ITPR1: variants seen among roughly 807,000 people sequenced by gnomAD.
The protein encoded by ITPR1 is inositol 1,4,5-trisphosphate-gated calcium channel ITPR1.
ITPR1 carries 96 observed loss-of-function variants against 318.4 expected under a neutral mutation model. The observed-to-expected ratio is 0.30, with a 90% CI of 0.26 to 0.36. The LOEUF (loss-of-function observed/expected upper bound fraction) is 0.36, where lower values mean the gene tolerates loss of function less well. Ranked by LOEUF, ITPR1 falls within the 10% of genes least tolerant of loss-of-function variation. ITPR1 has a pLI of 1.00. For missense variants in ITPR1, 2,440 were observed against 3,460.2 expected, an observed-to-expected ratio of 0.71 and a Z score of 7.40; for synonymous variants, 1,312 against 1,289.9, an observed-to-expected ratio of 1.02 and a Z score of -0.37.
intron 44 of ITPR1, among the ~76,000 whole-genome samples, chr3:4,753,789 C>A (rs537930672): frequency 6.6e-6 from 1 of 152,120 alleles, no homozygotes; most frequent in Non-Finnish European, 1.5e-5. Flanking sequence ...GCGAAGGGAA[C>A]GTGGCTGGTG....
chr3:4,668,249 C>A (rs560045275), intron 18 of ITPR1, among the ~76,000 whole-genome samples: 1 of 149,912 alleles, frequency 6.7e-6, no homozygotes, highest in African/African-American at 2.5e-5. Flanking sequence ...GTTAACATCC[C>A]CACCTCCCCC....
intron 4 of ITPR1, among the ~76,000 whole-genome samples, chr3:4,614,638 G>C (rs2092313142): frequency 6.6e-6 from 1 of 152,178 alleles, no homozygotes; most frequent in Non-Finnish European, 1.5e-5. Flanking sequence ...GAACACTTTA[G>C]TGCTTCCAGG....
chr3:4,610,481 A>T (rs1320592000), intron 4 of ITPR1, among the ~76,000 whole-genome samples: 1 of 152,218 alleles, frequency 6.6e-6, no homozygotes, highest in Non-Finnish European at 1.5e-5. Flanking sequence ...CCAATAGCTT[A>T]TGTAATTCCT....
At chr3:4,745,925 T>C (rs1172554155) in intron 44 of ITPR1, among the ~76,000 whole-genome samples, 2 of 152,220 alleles carry the variant, frequency 1.3e-5, no homozygotes, top group Non-Finnish European at 2.9e-5. Context: ...CTTCTTTTTC[T>C]CTTGCTTTTC....
At chr3:4,550,285 C>A (rs1349727335) in intron 4 of ITPR1, among the ~76,000 whole-genome samples, 1 of 152,170 alleles carries the variant, frequency 6.6e-6, no homozygotes, top group Non-Finnish European at 1.5e-5. Flanking sequence ...TTCCCCATCT[C>A]ACAGCAGAAA....
At chr3:4,814,294 G>A (rs2049138253) in intron 57 of ITPR1, 129 bp from the exon 58 acceptor site, 1 of 1,021,856 alleles carries the variant, frequency 9.8e-7, no homozygotes. Flanking sequence ...GAAAATTCTT[G>A]GCTCTTGATT....
At chr3:4,610,957 TCCCCTTCCCCCTTCCCC>T (rs2092050772) in intron 4 of ITPR1, among the ~76,000 whole-genome samples, 1 of 55,612 alleles carries the variant, frequency 1.8e-5, no homozygotes, top group African/African-American at 7.5e-5. Flanking sequence ...CCCTTCCCCT[TCCCCTTCCCCCTTCCCC>T]CTCCTTCTCC....
At chr3:4,773,175 A>G (rs775285920) in intron 46 of ITPR1, among the ~76,000 whole-genome samples, 2 of 152,188 alleles carry the variant, frequency 1.3e-5, no homozygotes, top group Non-Finnish European at 2.9e-5. Flanking sequence ...AGTAGGGCTC[A>G]GGGGTCGGAG....
chr3:4,606,111 G>A (rs2091685319), intron 4 of ITPR1, among the ~76,000 whole-genome samples: 1 of 152,066 alleles, frequency 6.6e-6, no homozygotes, highest in Non-Finnish European at 1.5e-5. Flanking sequence ...AAACAACAGT[G>A]GAAGACAAAT....
chr3:4,604,972 AT>A (rs930231676), intron 4 of ITPR1, among the ~76,000 whole-genome samples: 13 of 149,978 alleles, frequency 8.7e-5, no homozygotes, highest in South Asian at 4.2e-4. Flanking sequence ...GTAGCATGCT[AT>A]TTTTTTTTGG....
intron 17 of ITPR1, among the ~76,000 whole-genome samples, chr3:4,666,959 G>T (rs144127623): frequency 6.6e-6 from 1 of 152,160 alleles, no homozygotes; most frequent in Non-Finnish European, 1.5e-5. Flanking sequence ...GGGTAACATT[G>T]TTCCAGATCT....
chr3:4,828,419 G>A (rs1437002383), intron 60 of ITPR1, among the ~76,000 whole-genome samples: 1 of 152,200 alleles, frequency 6.6e-6, no homozygotes, highest in East Asian at 1.9e-4. Flanking sequence ...GGAGAAGGGT[G>A]AGTGAGCCTG....
Position 4,768,504 on chromosome 3 carries a change from T to C in ITPR1, c.5726-7T>C. The C allele has an allele frequency of 6.3e-7, 1 of 1,599,738 alleles. No homozygotes were observed. On this transcript the variant is annotated splice_polypyrimidine_tract_variant and splice_region_variant and intron_variant, in intron 45 of 61. Coordinates refer to ENST00000649015, the MANE Select transcript of ITPR1 (RefSeq NM_001378452.1). ...GCAGCCTTTCATGCCTTATGCTTGC[T>C]TTCTAGCTAAAGAGCCCACAACACA...
At position 4,590,174 on chromosome 3, in the gene ITPR1, CTTTTTTTTTT is replaced by C. The variant is rs10713337; in HGVS notation, c.164-37577_164-37568del. ...CCCTTTGTGTCTCCTCTTCGTCTTG[CTTTTTTTTTT>C]TTTTTTTTTTTGTCTTCATAGCAGG... is the stretch of plus-strand genomic sequence containing the variant. On this transcript the variant is annotated intron_variant, in intron 4 of 61. Coordinates refer to ENST00000649015, the MANE Select transcript of ITPR1 (RefSeq NM_001378452.1). Among the ~76,000 whole-genome samples the C allele has an allele frequency of 3.2e-3, 276 of 87,476 alleles. 1 individual carries two copies. The highest frequency in any genetic ancestry group is 4.8e-3 in the Admixed American group (36 of 7,518). The allele number at this position is 87,476 out of a possible 152,430, so 57.4% of individuals were successfully genotyped here. A position where few individuals can be genotyped will look rare whatever the true frequency, so the allele number is the denominator to read the frequency against.
intron 19 of ITPR1, among the ~76,000 whole-genome samples, chr3:4,670,262 C>A (rs144681534): frequency 4.5e-3 from 692 of 152,294 alleles, no homozygotes; most frequent in South Asian, 0.017. Context: ...TATGGACAGC[C>A]TTAAAAAACA....
chr3:4,673,497 C>T (rs1246815011), intron 21 of ITPR1, 110 bp downstream of exon 21: 4 of 1,152,424 alleles, frequency 3.5e-6, no homozygotes, highest in African/African-American at 1.6e-5. Flanking sequence ...GTTTTTTCTT[C>T]AAGCTTAAAA....
At chr3:4,658,420 G>A (rs911961800) in intron 13 of ITPR1, 142 bp downstream of exon 13, 17 of 645,986 alleles carry the variant, frequency 2.6e-5, no homozygotes, top group Admixed American at 9.6e-5. Context: ...CTGACTGCCC[G>A]GTATGGCAAC....
chr3:4,688,724 T>C, intron 31 of ITPR1, 104 bp downstream of exon 31: 1 of 1,073,156 alleles, frequency 9.3e-7, no homozygotes, highest in South Asian at 1.6e-5. Context: ...GGGCTTGTTA[T>C]AATGCAACAT....
intron 53 of ITPR1, among the ~76,000 whole-genome samples, chr3:4,798,223 T>C (rs2048014093): frequency 6.6e-6 from 1 of 152,192 alleles, no homozygotes; most frequent in African/African-American, 2.4e-5. Context: ...AAAGCTTATG[T>C]CCAGAATATG....
Sources: allele counts gnomAD v4.1 joint callset (sites outside exome capture counted in the v4.1 genomes callset), GRCh38; gene constraint gnomAD v4.1.1; transcripts MANE v1.5; gene names NCBI Gene and HGNC (gene_info 2026-07-23, HGNC 2026-07-21).